The following MB21D2 variants were observed in gnomAD, a reference collection of about 807,000 sequenced individuals.
MB21D2 encodes the protein Mab-21 domain containing 2.
Under a neutral mutation model 33.3 loss-of-function variants are expected in MB21D2, and 9 were observed. The observed-to-expected ratio is 0.27, with a 90% confidence interval of 0.16 to 0.47. The LOEUF is 0.47. Ranked by LOEUF, MB21D2 falls within the 20% of genes least tolerant of loss-of-function variation. MB21D2 has a pLI of 0.99. For synonymous variants in MB21D2, 241 were observed against 236.3 expected, an observed-to-expected ratio of 1.02 and a Z score of -0.18; for missense variants, 540 against 624.6, an observed-to-expected ratio of 0.86 and a Z score of 1.44.
chr3:192,881,702 A>G (rs1234653300), intron 1 of MB21D2, among the ~76,000 whole-genome samples: 2 of 152,126 alleles, frequency 1.3e-5, no homozygotes, highest in Non-Finnish European at 2.9e-5. Context: ...GAGGCCAAGA[A>G]AGGAAGGCTT....
intron 1 of MB21D2, among the ~76,000 whole-genome samples, chr3:192,814,271 G>C (rs553726384): frequency 3.9e-5 from 6 of 151,942 alleles, no homozygotes; most frequent in Admixed American, 2.0e-4. Flanking sequence ...AGGACTAAGG[G>C]ATCAAATGAG....
intron 1 of MB21D2, among the ~76,000 whole-genome samples, chr3:192,824,241 A>C (rs949720077): frequency 7.2e-5 from 11 of 152,220 alleles, no homozygotes; most frequent in African/African-American, 2.7e-4. Flanking sequence ...GTTGGATCAA[A>C]GAAAAAATAA....
intron 1 of MB21D2, among the ~76,000 whole-genome samples, chr3:192,812,473 T>G (rs898468733): frequency 2.0e-5 from 3 of 152,140 alleles, no homozygotes; most frequent in Non-Finnish European, 4.4e-5. Context: ...AAATAGATGG[T>G]GGAGCCTAAT....
Position 192,917,801 on chromosome 3 carries a change from G to A in MB21D2, c.40C>T (p.Leu14=), listed in dbSNP as rs767466145. 6.2e-7 allele frequency: 1 copy of A among 1,612,702 alleles called. No individual in the cohort carries two copies. The highest frequency in any genetic ancestry group is 1.1e-5 in the South Asian group (1 of 90,984). Residue 14 remains leucine, a synonymous_variant, in exon 1 of 2, where the codon CTG becomes TTG. Coordinates refer to ENST00000392452, the MANE Select transcript of MB21D2 (RefSeq NM_178496.4). ...AACGCAGGCTTGTTGTTACAGCCCA[G>A]GGAGGCTGCCTTGTTGGCGGTGGGA... The part of the protein sequence containing the change: ...AAPTANKAAS[L]GCNNKPAFPE...
chr3:192,797,437 G>C lies in MB21D2; in HGVS notation c.*949C>G, dbSNP rs971558669. On this transcript the variant is annotated 3_prime_UTR_variant, in exon 2 of 2. Coordinates refer to ENST00000392452, the MANE Select transcript of MB21D2 (RefSeq NM_178496.4). ...TATAAAGCTTTAACAACTTCTCTCAGTAAGACAGGAACCAGGAATATCAAA... is the reference window on the plus strand; with the variant it reads ...TATAAAGCTTTAACAACTTCTCTCACTAAGACAGGAACCAGGAATATCAAA... 1 of 152,522 alleles carries C rather than the reference G, an allele frequency of 6.6e-6. No homozygotes were observed. Among genetic ancestry groups the C allele is most frequent in the Non-Finnish European group, 1.5e-5 (1 of 68,016 alleles). The allele number at this position is 152,522 out of a possible 1,614,324, so 9.4% of individuals were successfully genotyped here.
chr3:192,871,241 C>T (rs1713289587), intron 1 of MB21D2, among the ~76,000 whole-genome samples: 1 of 152,168 alleles, frequency 6.6e-6, no homozygotes, highest in African/African-American at 2.4e-5. Context: ...GTTACACATA[C>T]TTGCAAACTG....
At position 192,883,462 on chromosome 3, in the gene MB21D2, G is replaced by A. The variant is rs1253336736; in HGVS notation, c.211+34168C>T. 2.6e-5 allele frequency among the ~76,000 whole-genome samples: 4 copies of A among 152,234 alleles called. No individual in the cohort carries two copies. In the South Asian group the frequency reaches 8.3e-4, roughly 32 times the overall value. On this transcript the variant is annotated intron_variant, in intron 1 of 1. Transcript: ENST00000392452. ...TATATTTTAGGTTAAAAATGGTAGT[G>A]TGGAAGACAGCTATTGACAGTGGCT...
At chr3:192,912,780 C>T (rs751424324) in intron 1 of MB21D2, among the ~76,000 whole-genome samples, 2 of 152,208 alleles carry the variant, frequency 1.3e-5, no homozygotes, top group Admixed American at 6.5e-5. Context: ...CTGATTGCTA[C>T]TACAGTAAAA....
At chr3:192,812,589 G>C (rs1444962754) in intron 1 of MB21D2, among the ~76,000 whole-genome samples, 2 of 152,158 alleles carry the variant, frequency 1.3e-5, no homozygotes, top group Admixed American at 6.5e-5. Context: ...AAAGACTCCA[G>C]ATCCTCTATA....
intron 1 of MB21D2, among the ~76,000 whole-genome samples, chr3:192,823,449 T>C (rs995128821): frequency 6.6e-6 from 1 of 151,570 alleles, no homozygotes; most frequent in African/African-American, 2.4e-5. Context: ...AGGTTGGGAG[T>C]TCAAGACCAG....
intron 1 of MB21D2, among the ~76,000 whole-genome samples, chr3:192,892,621 T>G (rs180715920): frequency 5.9e-5 from 9 of 152,210 alleles, no homozygotes; most frequent in Non-Finnish European, 1.2e-4. Flanking sequence ...TTGTATTTTT[T>G]TAGTAGAGAC....
intron 1 of MB21D2, among the ~76,000 whole-genome samples, chr3:192,836,189 C>T (rs1425671887): frequency 1.3e-5 from 2 of 152,072 alleles, no homozygotes; most frequent in African/African-American, 2.4e-5. Flanking sequence ...TCTGTGACTC[C>T]CTAACAGAGA....
At chr3:192,906,406 C>G (rs949271009) in intron 1 of MB21D2, among the ~76,000 whole-genome samples, 4 of 152,168 alleles carry the variant, frequency 2.6e-5, no homozygotes, top group African/African-American at 9.7e-5. Context: ...TGAACATAGA[C>G]CATACCTCCT....
intron 1 of MB21D2, among the ~76,000 whole-genome samples, chr3:192,810,850 A>T (rs1025669690): frequency 6.6e-6 from 1 of 151,840 alleles, no homozygotes; most frequent in Non-Finnish European, 1.5e-5. Flanking sequence ...ACCTCACTTG[A>T]ATTTACATTT....
At chr3:192,870,755 G>A (rs1339175903) in intron 1 of MB21D2, among the ~76,000 whole-genome samples, 2 of 122,326 alleles carry the variant, frequency 1.6e-5, no homozygotes, top group Non-Finnish European at 3.3e-5. Context: ...AAGGAAGATT[G>A]CAAAGGCTAA....
intron 1 of MB21D2, among the ~76,000 whole-genome samples, chr3:192,874,869 G>A (rs1393110898): frequency 2.0e-5 from 3 of 152,086 alleles, no homozygotes; most frequent in African/African-American, 4.8e-5. Context: ...CAAAGCATCC[G>A]TTCTACCAAA....
chr3:192,854,872 T>C (rs181752642), intron 1 of MB21D2, among the ~76,000 whole-genome samples: 194 of 152,312 alleles, frequency 1.3e-3, no homozygotes, highest in African/African-American at 4.5e-3. Flanking sequence ...TTACTGAATA[T>C]TTTAAGCCCA....
At chr3:192,886,958 T>TA in intron 1 of MB21D2, among the ~76,000 whole-genome samples, 1 of 151,840 alleles carries the variant, frequency 6.6e-6, no homozygotes, top group African/African-American at 2.4e-5. Context: ...AAGTCTTCAT[T>TA]TAAAATCCTG....
intron 1 of MB21D2, among the ~76,000 whole-genome samples, chr3:192,915,721 T>C (rs1037016826): frequency 7.9e-5 from 12 of 152,210 alleles, no homozygotes; most frequent in African/African-American, 2.9e-4. Flanking sequence ...TTTTTATATT[T>C]GGATAAAAGC....
Sources: allele counts gnomAD v4.1 joint callset (sites outside exome capture counted in the v4.1 genomes callset), GRCh38; gene constraint gnomAD v4.1.1; transcripts MANE v1.5; gene names NCBI Gene and HGNC (gene_info 2026-07-23, HGNC 2026-07-21).